The following KIF1A variants were observed in gnomAD, a reference collection of about 807,000 sequenced individuals.
KIF1A encodes kinesin family member 1A, also known as kinesin-like protein KIF1A.
Under a neutral mutation model 227.3 loss-of-function variants are expected in KIF1A, and 46 were observed. That is an observed-to-expected ratio of 0.20 (90% CI 0.16 to 0.26). The LOEUF is 0.26. Ranked by LOEUF, KIF1A falls within the 10% of genes least tolerant of loss-of-function variation. KIF1A has a pLI of 1.00. For missense variants in KIF1A, 1,683 were observed against 2,485.9 expected, an observed-to-expected ratio of 0.68 and a Z score of 6.87; for synonymous variants, 1,022 against 1,012.8, an observed-to-expected ratio of 1.01 and a Z score of -0.17.
chr2:240,732,470 A>G (rs1324517092), intron 38 of KIF1A, among the ~76,000 whole-genome samples: 1 of 127,486 alleles, frequency 7.8e-6, no homozygotes, highest in East Asian at 2.8e-4. Context: ...GTAAGGGATG[A>G]GGGGGTGAGG....
intron 14 of KIF1A, among the ~76,000 whole-genome samples, chr2:240,771,476 C>T (rs890626655): frequency 2.6e-5 from 4 of 152,234 alleles, no homozygotes; most frequent in South Asian, 2.1e-4. Context: ...GCACCCCCTG[C>T]GCCAGGCTTC....
rs1453577556 is a variant in KIF1A, at chr2:240,766,141, G to T, written c.1685-348C>A. On this transcript the variant is annotated intron_variant, in intron 19 of 48. Transcript: ENST00000498729. This position sits in a 1 kb window ranked among gnomAD's most constrained non-coding sequence, Gnocchi z 5.0. ...GGCCTGGGCCGTCCCACAGGAGAGGGTAGGCAGGGCTTTGCAGTCAGAGAA... is the reference window on the plus strand; with the variant it reads ...GGCCTGGGCCGTCCCACAGGAGAGGTTAGGCAGGGCTTTGCAGTCAGAGAA... 2.0e-5 allele frequency among the ~76,000 whole-genome samples: 3 copies of T among 152,264 alleles called. No homozygotes were observed. Among genetic ancestry groups the T allele is most frequent in the African/African-American group, 7.2e-5 (3 of 41,482 alleles).
At chr2:240,728,043 T>C (rs1435122677) in intron 38 of KIF1A, among the ~76,000 whole-genome samples, 1 of 152,120 alleles carries the variant, frequency 6.6e-6, no homozygotes, top group East Asian at 1.9e-4. Context: ...AAGGACACAG[T>C]TCAGAGACAT....
chr2:240,800,901 C>T (rs2056908190), intron 1 of KIF1A, among the ~76,000 whole-genome samples: 3 of 152,242 alleles, frequency 2.0e-5, no homozygotes, highest in Admixed American at 6.5e-5. Flanking sequence ...TCGGACGAAC[C>T]TTATGAAAAC....
intron 22 of KIF1A, 47 bp from the exon 23 acceptor site, chr2:240,762,859 G>C (rs2050696650): frequency 6.6e-7 from 1 of 1,522,326 alleles, no homozygotes; most frequent in Non-Finnish European, 8.9e-7. Context: ...TACCTGCCTG[G>C]GCCTCTCACA....
Position 240,789,166 on chromosome 2 carries a change from A to G in KIF1A, c.183+70T>C. 2.4e-6 allele frequency: 3 copies of G among 1,258,112 alleles called. No homozygotes were observed. Among genetic ancestry groups the G allele is most frequent in the Non-Finnish European group, 3.5e-6 (3 of 860,374 alleles). The allele number at this position is 1,258,112 out of a possible 1,614,324, so 77.9% of individuals were successfully genotyped here. A position where few individuals can be genotyped will look rare whatever the true frequency, so the allele number is the denominator to read the frequency against. On this transcript the variant is annotated intron_variant, in intron 3 of 48. Transcript: ENST00000498729. This position sits in a 1 kb window ranked among gnomAD's most constrained non-coding sequence, Gnocchi z 4.8. ...AGGAATGAGCGGCTCAGAGAAGTTG[A>G]GGGACCCCGAGGGCCACATGGCCTA...
chr2:240,782,601 C>T lies in KIF1A; in HGVS notation c.871G>A (p.Gly291Arg), dbSNP rs201050463. 6.4e-7 allele frequency: 1 copy of T among 1,552,466 alleles called. No individual in the cohort carries two copies. Among genetic ancestry groups the T allele is most frequent in the Non-Finnish European group, 8.7e-7 (1 of 1,147,840 alleles). ...VISALAEMDS[G>R]PNKNKKKKKT... ...AGGAAGCCGCTTACCTTGTTGGGTC[C>T]GGAGTCCTGAAAAGGAAAAGACAGA... Residue 291 changes from glycine (G) to arginine (R), a missense_variant, in exon 10 of 49, where the codon GGA (glycine) becomes AGA (arginine). Gly to Arg is a moderately radical substitution (Grantham distance 125). Transcript: ENST00000498729.
intron 7 of KIF1A, among the ~76,000 whole-genome samples, chr2:240,784,542 G>A (rs992661953): frequency 6.6e-6 from 1 of 152,204 alleles, no homozygotes; most frequent in Non-Finnish European, 1.5e-5. Context: ...CACCATCAGG[G>A]ACTGAGCAGC....
At position 240,766,743 on chromosome 2, in the gene KIF1A, T is replaced by TCACACACA. The variant is rs780626531; in HGVS notation, c.1684+171_1684+172insTGTGTGTG. ...CCAAATCTCTCTCTCTCTCTCTCTC[T>TCACACACA]CTCTCTCACACACACACACACACAC... On this transcript the variant is annotated intron_variant, in intron 19 of 48. Transcript: ENST00000498729. This position sits in a 1 kb window ranked among gnomAD's most constrained non-coding sequence, Gnocchi z 5.0. Among the ~76,000 whole-genome samples, 7,569 of 123,996 alleles carry TCACACACA rather than the reference T, an allele frequency of 0.061. 247 individuals are homozygous for TCACACACA. The highest frequency in any genetic ancestry group is 0.16 in the East Asian group (541 of 3,402). The allele number at this position is 123,996 out of a possible 152,430, so 81.3% of individuals were successfully genotyped here.
In KIF1A at chr2:240,757,659, CG is replaced by C; in HGVS notation, c.2583-66del. On this transcript the variant is annotated intron_variant, in intron 26 of 48. Coordinates refer to ENST00000498729, the MANE Select transcript of KIF1A (RefSeq NM_001244008.2). This position sits in a 1 kb window ranked among gnomAD's most constrained non-coding sequence, Gnocchi z 6.2. The stretch of plus-strand genomic sequence containing the variant: ...GCGACTCGCAGGGACGAACAGGGGC[CG>C]GGGCCGGGGCTGGGGGGCTTCTGTT... The C allele has an allele frequency of 7.0e-7, 1 of 1,423,942 alleles. No homozygotes were observed. Among genetic ancestry groups the C allele is most frequent in the Non-Finnish European group, 9.5e-7 (1 of 1,053,918 alleles). The allele number at this position is 1,423,942 out of a possible 1,614,324, so 88.2% of individuals were successfully genotyped here.
rs1159574062 is a variant in KIF1A at position 240,773,021 on chromosome 2, G to T, written c.1180+93C>A. On this transcript the variant is annotated intron_variant, in intron 13 of 48. Transcript: ENST00000498729. ...CAGCCCAGGGTGCAGCCAGCAAAGT[G>T]GTGGCCCCAGGAGAGAGGATGTGAT... 5 of 1,359,998 alleles carry T rather than the reference G, an allele frequency of 3.7e-6. No individual in the cohort carries two copies. The East Asian group carries it at 1.3e-4, about 34-fold the overall frequency. 84.2% of individuals were successfully genotyped at this position (1,359,998 alleles called of 1,614,324 possible).
Position 240,722,626 on chromosome 2 carries a change from G to T in KIF1A, c.4495C>A (p.Arg1499=). 1 of 1,559,414 alleles carries T rather than the reference G, an allele frequency of 6.4e-7. No homozygotes were observed. Among genetic ancestry groups the T allele is most frequent in the Non-Finnish European group, 8.7e-7 (1 of 1,151,298 alleles). Residue 1499 remains arginine (R), a synonymous_variant, in exon 43 of 49, where the codon CGG becomes AGG. Transcript: ENST00000498729. ...CGCTGGGCGGTCTCCAGCTTCTCCC[G>T]CAGGAGCAGGTAGTGCCTAGTCTTC... The part of the protein sequence containing the change: ...VEKTRHYLLL[R]EKLETAQRPV...
chr2:240,820,240 G>C (rs1381778478), upstream of KIF1A: 2 of 149,670 alleles, frequency 1.3e-5, no homozygotes, highest in Non-Finnish European at 3.0e-5. The surrounding 1 kb of genome is among the most constrained non-coding windows in gnomAD (Gnocchi z 6.2). Context: ...CCGCGTGACG[G>C]GCTGCGCGCC....
At chr2:240,745,341 C>A in intron 32 of KIF1A, 86 bp downstream of exon 32, 1 of 1,071,462 alleles carries the variant, frequency 9.3e-7, no homozygotes, top group South Asian at 1.3e-5. Context: ...AACTGGTGTT[C>A]AGAAGAGGGA....
intron 1 of KIF1A, among the ~76,000 whole-genome samples, chr2:240,800,420 G>T (rs966830599): frequency 6.6e-6 from 1 of 152,174 alleles, no homozygotes; most frequent in African/African-American, 2.4e-5. Context: ...GTGTGTGAAG[G>T]AATCAGTGTG....
rs1045021582 is a variant in KIF1A at position 240,736,147 on chromosome 2, C to A, written c.4007+916G>T. Among the ~76,000 whole-genome samples the A allele has an allele frequency of 6.6e-6, 1 of 152,106 alleles. No individual in the cohort carries two copies. The highest frequency in any genetic ancestry group is 2.4e-5 in the African/African-American group (1 of 41,406). ...GGACCCAAGTCAGAAGAATAGGAGA[C>A]GACGCCCGCCAGGACCCTCCTTCCT... On this transcript the variant is annotated intron_variant, in intron 38 of 48. Transcript: ENST00000498729. This position sits in a 1 kb window ranked among gnomAD's most constrained non-coding sequence, Gnocchi z 4.7.
At chr2:240,813,666 C>T (rs923101134) in intron 1 of KIF1A, among the ~76,000 whole-genome samples, 2 of 152,090 alleles carry the variant, frequency 1.3e-5, no homozygotes, top group Non-Finnish European at 2.9e-5. Flanking sequence ...GACACCCCAC[C>T]CCCCATGGAC....
At position 240,750,444 on chromosome 2, in the gene KIF1A, C is replaced by T. The variant is rs1355031628; in HGVS notation, c.2962G>A (p.Val988Ile). Residue 988 changes from valine to isoleucine, a missense_variant, in exon 28 of 49, where the codon GTC (valine) becomes ATC (isoleucine). This residue lies in a region of KIF1A where 759 missense variants were observed against 1,020.2 expected (regional missense o/e 0.74). Coordinates refer to ENST00000498729, the MANE Select transcript of KIF1A (RefSeq NM_001244008.2). ...GEVKGFLRVA[V>I]QAISADEEAP... ...CCACACGCACCTGAGATGGCCTGGA[C>T]GGCCACGCGGAGGAAGCCCTTCACC... 5.6e-6 allele frequency: 9 copies of T among 1,612,150 alleles called. No individual in the cohort carries two copies. The African/African-American group carries it at 6.7e-5, about 12-fold the overall frequency.
At chr2:240,756,608 C>T (rs567738620) in intron 27 of KIF1A, among the ~76,000 whole-genome samples, 13 of 152,370 alleles carry the variant, frequency 8.5e-5, no homozygotes, top group African/African-American at 2.9e-4. Context: ...CCATGACAAC[C>T]GAGGAGGTCA....
Sources: gnomAD v4.1 joint callset for allele counts (sites outside exome capture counted in the v4.1 genomes callset) on GRCh38, gnomAD v4.1.1 for gene constraint, gnomAD v4.1.1 regional missense constraint, Gnocchi (gnomAD v3.1) non-coding constraint, MANE v1.5 for transcripts, NCBI Gene and HGNC (gene_info 2026-07-23, HGNC 2026-07-21) for gene names.